HNRNPH3: variants seen among roughly 807,000 people sequenced by gnomAD.
The protein encoded by HNRNPH3 is heterogeneous nuclear ribonucleoprotein 2H9.
HNRNPH3 carries 7 observed loss-of-function variants against 47.0 expected under a neutral mutation model. The observed-to-expected ratio is 0.15, with a 90% CI of 0.08 to 0.28. The LOEUF (loss-of-function observed/expected upper bound fraction) is 0.28, where lower values mean the gene tolerates loss of function less well. Ranked by LOEUF, HNRNPH3 falls within the 10% of genes least tolerant of loss-of-function variation. The probability of loss-of-function intolerance (pLI) is 1.00; values close to 1 mark genes in which losing one functional copy is unlikely to be tolerated. For missense variants in HNRNPH3, 279 were observed against 449.6 expected (o/e 0.62, Z 3.43); for synonymous variants, 120 against 143.2 (o/e 0.84, Z 1.16).
chr10:68,341,144 A>G, intron 6 of HNRNPH3, 30 bp from the exon 7 acceptor site: 4 of 1,464,234 alleles, frequency 2.7e-6, no homozygotes, highest in Non-Finnish European at 3.7e-6. Context: ...TTCTCAATAG[A>G]AAAGTAAATA....
rs1397396208 is a variant in HNRNPH3, at chr10:68,342,445, G to A, written c.*391G>A. On this transcript the variant is annotated 3_prime_UTR_variant, in exon 10 of 10. Transcript: ENST00000265866. ...AAGTCTTAAGCAGACATCTGGAATA[G>A]AGCTTGACAAATAATTAGTGTAACT... is the stretch of plus-strand genomic sequence containing the variant. The A allele has an allele frequency of 6.3e-6, 1 of 159,808 alleles. No homozygotes were observed. The highest frequency in any genetic ancestry group is 1.4e-5 in the Non-Finnish European group (1 of 73,020). 9.9% of individuals were successfully genotyped at this position (159,808 alleles called of 1,614,324 possible).
Position 68,332,161 on chromosome 10 carries a change from C to G in HNRNPH3, c.-79C>G, listed in dbSNP as rs2045158937. On this transcript the variant is annotated 5_prime_UTR_variant, in exon 1 of 10. Coordinates refer to ENST00000265866, the MANE Select transcript of HNRNPH3 (RefSeq NM_012207.3). ...GCTACACGAGGCAAACGACTTCTCC[C>G]TTCTTTGAACTGGACCCCGCGAGCA... 6.6e-6 allele frequency: 1 copy of G among 152,290 alleles called. No individual in the cohort carries two copies. Among genetic ancestry groups the G allele is most frequent in the Non-Finnish European group, 1.5e-5 (1 of 68,086 alleles). 9.4% of individuals were successfully genotyped at this position (152,290 alleles called of 1,614,324 possible). A position where few individuals can be genotyped will look rare whatever the true frequency, so the allele number is the denominator to read the frequency against.
Position 68,342,277 on chromosome 10 carries a change from G to A in HNRNPH3, c.*223G>A. On this transcript the variant is annotated 3_prime_UTR_variant, in exon 10 of 10. Coordinates refer to ENST00000265866, the MANE Select transcript of HNRNPH3 (RefSeq NM_012207.3). ...AATAAATTTTTATATTCAAACCACT[G>A]ATGTTGATACTTTTTATATACTAGT... 2.2e-6 allele frequency: 1 copy of A among 457,174 alleles called. No individual in the cohort carries two copies. The highest frequency in any genetic ancestry group is 3.4e-5 in the South Asian group (1 of 29,358). The allele number at this position is 457,174 out of a possible 1,614,324, so 28.3% of individuals were successfully genotyped here. A position where few individuals can be genotyped will look rare whatever the true frequency, so the allele number is the denominator to read the frequency against.
At position 68,337,149 on chromosome 10, in the gene HNRNPH3, C is replaced by G. The variant is rs922946746; in HGVS notation, c.-23-50C>G. On this transcript the variant is annotated intron_variant, in intron 1 of 9. Coordinates refer to ENST00000265866, the MANE Select transcript of HNRNPH3 (RefSeq NM_012207.3). This position sits in a 1 kb window ranked among gnomAD's most constrained non-coding sequence, Gnocchi z 4.5. Reference sequence around the variant, plus strand: ...GAGGTGTTTCTTCATTACCTCTTGACAAGAGTATATTTTGATTGACTGCTC... The same window carrying G: ...GAGGTGTTTCTTCATTACCTCTTGAGAAGAGTATATTTTGATTGACTGCTC... The G allele has an allele frequency of 5.7e-6, 5 of 872,454 alleles. No homozygotes were observed. Among genetic ancestry groups the G allele is most frequent in the Admixed American group, 2.0e-5 (1 of 48,844 alleles). The allele number at this position is 872,454 out of a possible 1,614,324, so 54.0% of individuals were successfully genotyped here.
chr10:68,339,357 C>A, intron 5 of HNRNPH3, 83 bp from the exon 6 acceptor site: 1 of 1,509,458 alleles, frequency 6.6e-7, no homozygotes, highest in East Asian at 2.3e-5. Context: ...CTATATAGAG[C>A]TTTATACCTT....
rs776547177 is a variant in HNRNPH3 at position 68,338,587 on chromosome 10, A to C, written c.336A>C (p.Gly112=). ...PPRRLLGQRP[G]PYDRPIGGRG... is the part of the protein sequence containing the mutation. ...GAAGATTGCTGGGACAGCGACCGGG[A>C]CCATATGATAGACCAATAGGAGGAA... Residue 112 remains glycine, a synonymous_variant, in exon 4 of 10, where the codon GGA becomes GGC. Coordinates refer to ENST00000265866, the MANE Select transcript of HNRNPH3 (RefSeq NM_012207.3). 1.2e-6 allele frequency: 2 copies of C among 1,613,444 alleles called. No homozygotes were observed. The highest frequency in any genetic ancestry group is 1.7e-6 in the Non-Finnish European group (2 of 1,179,502).
At position 68,342,920 on chromosome 10, in the gene HNRNPH3, TA is replaced by T. The variant is rs956720325; in HGVS notation, c.*873del. On this transcript the variant is annotated 3_prime_UTR_variant, in exon 10 of 10. Coordinates refer to ENST00000265866, the MANE Select transcript of HNRNPH3 (RefSeq NM_012207.3). ...TAAATAACTGTATAAATGATGACTT[TA>T]AAAAAATGTAAGCAACAAGTCCATG... The T allele has an allele frequency of 1.3e-4, 20 of 152,158 alleles. No individual in the cohort carries two copies. The highest frequency in any genetic ancestry group is 4.8e-4 in the African/African-American group (20 of 41,434). The allele number at this position is 152,158 out of a possible 1,614,324, so 9.4% of individuals were successfully genotyped here.
chr10:68,341,478 C>T, intron 7 of HNRNPH3, 107 bp from the exon 8 acceptor site: 1 of 1,001,764 alleles, frequency 1.0e-6, no homozygotes, highest in African/African-American at 1.6e-5. Context: ...AATTAATAAG[C>T]ATACTTTGTT....
chr10:68,334,910 T>TA (rs1180051528), intron 1 of HNRNPH3, among the ~76,000 whole-genome samples: 3 of 152,186 alleles, frequency 2.0e-5, no homozygotes, highest in Non-Finnish European at 2.9e-5. Flanking sequence ...CCTGTGCCCT[T>TA]AGAGTTTTTC....
intron 6 of HNRNPH3, among the ~76,000 whole-genome samples, chr10:68,340,000 C>A (rs896211185): frequency 6.6e-6 from 1 of 151,560 alleles, no homozygotes; most frequent in Non-Finnish European, 1.5e-5. Context: ...ATGACTATAC[C>A]ATTTTGTGCT....
At chr10:68,334,706 A>G (rs963904583) in intron 1 of HNRNPH3, among the ~76,000 whole-genome samples, 3 of 152,336 alleles carry the variant, frequency 2.0e-5, no homozygotes, top group East Asian at 1.9e-4. Context: ...TTAAAGTCTC[A>G]TAAAACTTGA....
chr10:68,332,774 G>T (rs1277822315), intron 1 of HNRNPH3: 1 of 152,302 alleles, frequency 6.6e-6, no homozygotes, highest in African/African-American at 2.4e-5. Context: ...CGCAGTCTCG[G>T]CAGGGCTACC....
Position 68,341,227 on chromosome 10 carries a change from C to G in HNRNPH3, c.693C>G (p.Gly231=). ...IRVHIDIGAD[G]RATGEADVEF... ...TTCATATTGATATTGGAGCTGATGG[C>G]AGAGCCACAGGAGAAGCAGATGTAG... Residue 231 remains glycine, a synonymous_variant, in exon 7 of 10, where the codon GGC becomes GGG. Coordinates refer to ENST00000265866, the MANE Select transcript of HNRNPH3 (RefSeq NM_012207.3). The G allele has an allele frequency of 6.2e-7, 1 of 1,601,182 alleles. No individual in the cohort carries two copies. Among genetic ancestry groups the G allele is most frequent in the Non-Finnish European group, 8.5e-7 (1 of 1,175,702 alleles).
In HNRNPH3 at chr10:68,342,789, G is replaced by C. The variant is rs543719746; in HGVS notation, c.*735G>C. 2.6e-5 allele frequency: 4 copies of C among 152,684 alleles called. No individual in the cohort carries two copies. The South Asian group carries it at 6.2e-4, about 24-fold the overall frequency. 9.5% of individuals were successfully genotyped at this position (152,684 alleles called of 1,614,324 possible). On this transcript the variant is annotated 3_prime_UTR_variant, in exon 10 of 10. Transcript: ENST00000265866. ...GGTTATCGCAAGATGTCTTAGAGTAGGGTTAAGGTTCTCAGTGACACAAGA... is the reference window on the plus strand; with the variant it reads ...GGTTATCGCAAGATGTCTTAGAGTACGGTTAAGGTTCTCAGTGACACAAGA...
At chr10:68,334,607 A>G (rs768927846) in intron 1 of HNRNPH3, among the ~76,000 whole-genome samples, 2 of 152,194 alleles carry the variant, frequency 1.3e-5, no homozygotes, top group Non-Finnish European at 2.9e-5. Flanking sequence ...CTCAAGCCTC[A>G]GACAATCATG....
rs781567004 is a variant in HNRNPH3, at chr10:68,341,886, A to G, written c.964+35A>G. 4 of 1,592,040 alleles carry G rather than the reference A, an allele frequency of 2.5e-6. No homozygotes were observed. In the Admixed American group the frequency reaches 5.0e-5, roughly 20 times the overall value. ...TCTAGTTCAGTTTGTGTTAGTCCGCATATGTAGTGCAAACTTTAAAGTGCA... is the reference window on the plus strand; with the variant it reads ...TCTAGTTCAGTTTGTGTTAGTCCGCGTATGTAGTGCAAACTTTAAAGTGCA... On this transcript the variant is annotated intron_variant, in intron 9 of 9. Transcript: ENST00000265866.
chr10:68,334,493 G>T (rs2045424461), intron 1 of HNRNPH3, among the ~76,000 whole-genome samples: 1 of 152,032 alleles, frequency 6.6e-6, no homozygotes, highest in Non-Finnish European at 1.5e-5. Context: ...CATTCACAGC[G>T]TTGTGTGACC....
chr10:68,337,792 C>A lies in HNRNPH3; in HGVS notation c.113-66C>A. Reference sequence around the variant, plus strand: ...TTAGACTTGTTTTAAATATTTGATTCAGATGGGAATGTTTCAGCCTTTAAC... The same window carrying A: ...TTAGACTTGTTTTAAATATTTGATTAAGATGGGAATGTTTCAGCCTTTAAC... On this transcript the variant is annotated intron_variant, in intron 2 of 9. Coordinates refer to ENST00000265866, the MANE Select transcript of HNRNPH3 (RefSeq NM_012207.3). The surrounding 1 kb of genome is among the most constrained non-coding windows in gnomAD (Gnocchi z 4.5). 2 of 1,325,114 alleles carry A rather than the reference C, an allele frequency of 1.5e-6. No individual in the cohort carries two copies. The highest frequency in any genetic ancestry group is 1.9e-4 in the Middle Eastern group (1 of 5,238). The allele number at this position is 1,325,114 out of a possible 1,614,324, so 82.1% of individuals were successfully genotyped here. A position where few individuals can be genotyped will look rare whatever the true frequency, so the allele number is the denominator to read the frequency against.
chr10:68,339,847 T>C (rs2045765685), intron 6 of HNRNPH3, among the ~76,000 whole-genome samples: 3 of 151,774 alleles, frequency 2.0e-5, no homozygotes, highest in Admixed American at 2.0e-4. Flanking sequence ...CCTGGCTAAT[T>C]AGATCTACCT....
Sources: allele counts gnomAD v4.1 joint callset (sites outside exome capture counted in the v4.1 genomes callset), GRCh38; gene constraint gnomAD v4.1.1; non-coding constraint Gnocchi (gnomAD v3.1); transcripts MANE v1.5; gene names NCBI Gene and HGNC (gene_info 2026-07-23, HGNC 2026-07-21).